VPS13B: variants seen among roughly 807,000 people sequenced by gnomAD.
The protein encoded by VPS13B is vacuolar protein sorting 13 homolog B, also known as intermembrane lipid transfer protein VPS13B.
A neutral mutation model predicts 426.4 loss-of-function variants in VPS13B; 285 were observed. That is an observed-to-expected ratio of 0.67 (90% CI 0.61 to 0.74). The LOEUF is 0.74. VPS13B is among the 30% of genes least tolerant of loss of function. The pLI is 0.00. For synonymous variants in VPS13B, 1,676 were observed against 1,676.4 expected, an observed-to-expected ratio of 1.00 and a Z score of 0.01; for missense variants, 4,537 against 4,782.6, an observed-to-expected ratio of 0.95 and a Z score of 1.51.
intron 43 of VPS13B, among the ~76,000 whole-genome samples, chr8:99,787,466 A>G (rs1812325794): frequency 6.6e-6 from 1 of 152,204 alleles, no homozygotes; most frequent in East Asian, 1.9e-4. Context: ...TTCCTAGGGA[A>G]TAATTGAATA....
chr8:99,701,163 G>A (rs1484026600), intron 36 of VPS13B, among the ~76,000 whole-genome samples: 2 of 152,110 alleles, frequency 1.3e-5, no homozygotes, highest in African/African-American at 4.8e-5. Context: ...TAAAAGTTCT[G>A]TATTTTGTTT....
chr8:99,858,441 C>T (rs1816663432), intron 56 of VPS13B, among the ~76,000 whole-genome samples: 1 of 152,188 alleles, frequency 6.6e-6, no homozygotes, highest in Non-Finnish European at 1.5e-5. Flanking sequence ...AGGGAACACT[C>T]CCCTCTCACT....
intron 25 of VPS13B, among the ~76,000 whole-genome samples, chr8:99,495,527 ACTT>A (rs1820837217): frequency 6.6e-6 from 1 of 152,084 alleles, no homozygotes; most frequent in East Asian, 1.9e-4. Context: ...CATCAATGGA[ACTT>A]CTTCTATGAA....
chr8:99,408,656 C>T (rs1815460609), intron 21 of VPS13B, among the ~76,000 whole-genome samples: 1 of 152,130 alleles, frequency 6.6e-6, no homozygotes, highest in South Asian at 2.1e-4. Context: ...CTGGAGCTTA[C>T]AGGATAGATC....
chr8:99,186,658 C>CT (rs1813236808), intron 16 of VPS13B, among the ~76,000 whole-genome samples: 1 of 152,088 alleles, frequency 6.6e-6, no homozygotes, highest in Admixed American at 6.5e-5. Context: ...ACTGGAGTAT[C>CT]TAACAGAAGT....
chr8:99,755,647 G>A (rs1810604011), intron 39 of VPS13B, among the ~76,000 whole-genome samples: 1 of 152,058 alleles, frequency 6.6e-6, no homozygotes, highest in South Asian at 2.1e-4. Flanking sequence ...GTGCATGCCT[G>A]TAATCCCAGC....
At chr8:99,634,713 AAG>A (rs1829001330) in intron 33 of VPS13B, among the ~76,000 whole-genome samples, 1 of 151,960 alleles carries the variant, frequency 6.6e-6, no homozygotes, top group South Asian at 2.1e-4. Context: ...GTGCTTGTTC[AAG>A]TTTGTTTATT....
chr8:99,371,532 T>C (rs1046268954), intron 19 of VPS13B, among the ~76,000 whole-genome samples: 9 of 152,226 alleles, frequency 5.9e-5, no homozygotes, highest in African/African-American at 2.2e-4. Flanking sequence ...TGCCTCCAGC[T>C]TTGTTCGTTT....
chr8:99,140,637 C>G (rs1231937343), intron 12 of VPS13B, among the ~76,000 whole-genome samples: 1 of 142,464 alleles, frequency 7.0e-6, no homozygotes, highest in East Asian at 2.3e-4. Flanking sequence ...TCCTCCTCCT[C>G]CCCCTCCTTG....
intron 23 of VPS13B, among the ~76,000 whole-genome samples, chr8:99,450,534 G>T (rs1447916939): frequency 6.6e-6 from 1 of 152,062 alleles, no homozygotes; most frequent in Non-Finnish European, 1.5e-5. Flanking sequence ...CCAACGTGGT[G>T]AAACCCTGTC....
At chr8:99,151,962 CT>C (rs1340617559) in intron 14 of VPS13B, among the ~76,000 whole-genome samples, 1 of 152,238 alleles carries the variant, frequency 6.6e-6, no homozygotes, top group East Asian at 1.9e-4. Flanking sequence ...GAGAGGCTTA[CT>C]GATTTTTATT....
intron 17 of VPS13B, chr8:99,209,567 T>A: frequency 1.4e-5 from 2 of 146,906 alleles, no homozygotes; most frequent in Non-Finnish European, 2.9e-5. Flanking sequence ...TTAATAACAA[T>A]TTTTTTTTTT....
rs191264050 is a variant in VPS13B, at chr8:99,509,963, A to G, written c.4225-1141A>G. On this transcript the variant is annotated intron_variant, in intron 28 of 61. Coordinates refer to ENST00000357162, the MANE Select transcript of VPS13B (RefSeq NM_152564.5). ...AACTTGTTTATAGTGTGCAATTTGG[A>G]TAGGAGAGCTAATTGAGATAGTTTT... Among the ~76,000 whole-genome samples, 81 of 152,260 alleles carry G rather than the reference A, an allele frequency of 5.3e-4. 1 individual carries two copies. In the East Asian group the frequency reaches 0.015, roughly 28 times the overall value.
intron 19 of VPS13B, among the ~76,000 whole-genome samples, chr8:99,381,229 A>G (rs1813785466): frequency 6.6e-6 from 1 of 152,196 alleles, no homozygotes; most frequent in East Asian, 1.9e-4. Flanking sequence ...TGCAAAGGAC[A>G]TGATCTTGTT....
At chr8:99,824,103 T>C (rs1243876904) in intron 51 of VPS13B, 125 bp downstream of exon 51, 4 of 1,216,132 alleles carry the variant, frequency 3.3e-6, no homozygotes, top group Admixed American at 3.9e-5. Flanking sequence ...GAAATTCACT[T>C]ATTTTTGTTG....
chr8:99,391,722 T>G lies in VPS13B; in HGVS notation c.3082+18T>G, dbSNP rs771665158. On this transcript the variant is annotated intron_variant, in intron 21 of 61. Transcript: ENST00000357162. ...GGTAACAGGTATGTGTCAAGTACTG[T>G]AAAGGGACTATGATTGTACTCTACT... The G allele has an allele frequency of 2.5e-6, 4 of 1,613,048 alleles. No homozygotes were observed. The highest frequency in any genetic ancestry group is 2.5e-6 in the Non-Finnish European group (3 of 1,179,450).
intron 25 of VPS13B, among the ~76,000 whole-genome samples, chr8:99,493,182 A>G (rs1268714785): frequency 6.6e-6 from 1 of 152,188 alleles, no homozygotes; most frequent in East Asian, 1.9e-4. Context: ...ATCTATAGTC[A>G]TGAGTGATAC....
chr8:99,624,288 G>A (rs1481702389), intron 33 of VPS13B, among the ~76,000 whole-genome samples: 1 of 151,932 alleles, frequency 6.6e-6, no homozygotes, highest in Non-Finnish European at 1.5e-5. Flanking sequence ...GAATGGAAAT[G>A]GCATTAGATC....
rs139810153 is a variant in VPS13B, at chr8:99,483,464, C to T, written c.3870+1662C>T. ...AAAAGCTATTTAACTTTATTGAATA[C>T]AGCAGTTTCCACACTTACTTAACCA... On this transcript the variant is annotated intron_variant, in intron 25 of 61. Coordinates refer to ENST00000357162, the MANE Select transcript of VPS13B (RefSeq NM_152564.5). Among the ~76,000 whole-genome samples the T allele has an allele frequency of 4.6e-3, 694 of 152,270 alleles. 2 individuals carry two copies. Among genetic ancestry groups the T allele is most frequent in the Non-Finnish European group, 6.3e-3 (431 of 68,000 alleles).
Sources: allele counts gnomAD v4.1 joint callset (sites outside exome capture counted in the v4.1 genomes callset), GRCh38; gene constraint gnomAD v4.1.1; transcripts MANE v1.5; gene names NCBI Gene and HGNC (gene_info 2026-07-23, HGNC 2026-07-21).